ADPRHL1: variants seen among roughly 807,000 people sequenced by gnomAD.
ADPRHL1 encodes ADP-ribosylhydrolase like 1, also known as inactive ADP-ribosyltransferase ARH2.
A neutral mutation model predicts 44.1 loss-of-function variants in ADPRHL1; 43 were observed. The ratio of observed to expected loss-of-function variants is 0.98; its 90% CI spans 0.76 to 1.26. The LOEUF (loss-of-function observed/expected upper bound fraction) is 1.26. Ranked by LOEUF, ADPRHL1 falls within the 50% of genes most tolerant of loss-of-function variation. ADPRHL1 has a pLI of 0.00. For synonymous variants in ADPRHL1, 878 were observed against 1,017.4 expected, an observed-to-expected ratio of 0.86 and a Z score of 2.61; for missense variants, 2,022 against 2,496.9, an observed-to-expected ratio of 0.81 and a Z score of 4.05.
chr13:113,439,804 G>T (rs2044085454), intron 2 of ADPRHL1, among the ~76,000 whole-genome samples: 1 of 152,174 alleles, frequency 6.6e-6, no homozygotes, highest in Admixed American at 6.5e-5. Context: ...CCTCTTGAGT[G>T]ACCTTCGGTA....
chr13:113,420,477 G>A (rs1314565422), intron 7 of ADPRHL1, among the ~76,000 whole-genome samples: 7 of 152,038 alleles, frequency 4.6e-5, no homozygotes, highest in Non-Finnish European at 1.0e-4. Context: ...TCCGGTAAGC[G>A]GGCAAAACAG....
Position 113,400,312 on chromosome 13 carries a change from A to AT in ADPRHL1, c.*3065dup, listed in dbSNP as rs1318299838. 3.3e-5 allele frequency: 5 copies of AT among 150,744 alleles called. No homozygotes were observed. The highest frequency in any genetic ancestry group is 9.8e-5 in the African/African-American group (4 of 40,986). 9.3% of individuals were successfully genotyped at this position (150,744 alleles called of 1,614,324 possible). A position where few individuals can be genotyped will look rare whatever the true frequency, so the allele number is the denominator to read the frequency against. On this transcript the variant is annotated 3_prime_UTR_variant, in exon 8 of 8. Transcript: ENST00000612156. ...AGGCACCCACCACCACGCCCGGCTA[A>AT]TTTTTGTATTTTTAGTAGAGACAGG... is the stretch of plus-strand genomic sequence containing the variant.
At chr13:113,424,793 TACCC>T (rs1165211624) in intron 5 of ADPRHL1, among the ~76,000 whole-genome samples, 7 of 18,728 alleles carry the variant, frequency 3.7e-4, no homozygotes, top group African/African-American at 4.4e-4. Context: ...CCCATCCATA[TACCC>T]ACCCACCCAC....
chr13:113,452,296 C>G (rs907230273), intron 1 of ADPRHL1, among the ~76,000 whole-genome samples: 1 of 152,184 alleles, frequency 6.6e-6, no homozygotes, highest in African/African-American at 2.4e-5. Context: ...CTTATCTTAT[C>G]GCCGGCGCTT....
rs2043777425 is a variant in ADPRHL1, at chr13:113,403,421, G to A, written c.5861C>T (p.Pro1954Leu). 4.9e-6 allele frequency: 6 copies of A among 1,232,066 alleles called. No homozygotes were observed. The highest frequency in any genetic ancestry group is 5.1e-6 in the Non-Finnish European group (5 of 987,984). 76.3% of individuals were successfully genotyped at this position (1,232,066 alleles called of 1,614,324 possible). Residue 1954 changes from proline to leucine, a missense_variant, in exon 8 of 8, where the codon CCA becomes CTA. Physicochemically the swap from Pro to Leu is moderately conservative, Grantham distance 98. Coordinates refer to ENST00000612156, the MANE Select transcript of ADPRHL1 (RefSeq NM_001394807.1). ...DQRAFDLSFRPMSVRASDTSE... is the reference protein window; with the variant it reads ...DQRAFDLSFRLMSVRASDTSE... ...CGTGTCGCTGGCCCTGACGCTCATT[G>A]GTCTGAAGGACAAATCGAAGGCCCT...
At chr13:113,412,621 T>C (rs1211270560) in intron 7 of ADPRHL1, among the ~76,000 whole-genome samples, 2 of 152,244 alleles carry the variant, frequency 1.3e-5, no homozygotes, top group African/African-American at 2.4e-5. Context: ...CAGAGCAGCG[T>C]TGGGCACAGC....
At chr13:113,421,342 A>G (rs1377116814) in intron 7 of ADPRHL1, among the ~76,000 whole-genome samples, 1 of 97,714 alleles carries the variant, frequency 1.0e-5, no homozygotes, top group East Asian at 3.2e-4. Flanking sequence ...CACCCCCGGG[A>G]CACGCCCACT....
At chr13:113,423,506 G>T (rs570291893) in intron 6 of ADPRHL1, among the ~76,000 whole-genome samples, 2 of 152,338 alleles carry the variant, frequency 1.3e-5, no homozygotes, top group South Asian at 4.1e-4. Flanking sequence ...ACCAAACGGG[G>T]CCACATTTGT....
At chr13:113,415,770 AAGAG>A (rs1555325969) in intron 7 of ADPRHL1, among the ~76,000 whole-genome samples, 4 of 132,848 alleles carry the variant, frequency 3.0e-5, no homozygotes, top group South Asian at 4.5e-4. Context: ...AAAAAAAAAA[AAGAG>A]AGAGAGAGAG....
chr13:113,407,758 T>C lies in ADPRHL1; in HGVS notation c.1524A>G (p.Ile508Met), dbSNP rs1044154028. ...CCTCCTTCTCCTCGGCGGCCAAGAA[T>C]ATCTTCAGGATGTTTTTCACGGTGC... is the stretch of plus-strand genomic sequence containing the variant. ...GKSTVKNILK[I>M]FLAAEEKEAK... The change falls in exon 8 of 8, where the codon ATA (isoleucine) becomes ATG (methionine). Residue 508 changes from isoleucine (I) to methionine (M), a missense_variant. Physicochemically the swap from Ile to Met is conservative, Grantham distance 10. This residue lies in a region of ADPRHL1 where 1,221 missense variants were observed against 1,517.8 expected (regional missense o/e 0.80). Coordinates refer to ENST00000612156, the MANE Select transcript of ADPRHL1 (RefSeq NM_001394807.1). The C allele has an allele frequency of 7.3e-6, 9 of 1,231,982 alleles. No homozygotes were observed. In the East Asian group the frequency reaches 2.8e-4, roughly 39 times the overall value. 76.3% of individuals were successfully genotyped at this position (1,231,982 alleles called of 1,614,324 possible).
intron 7 of ADPRHL1, chr13:113,422,475 T>G: frequency 5.1e-6 from 1 of 194,710 alleles, no homozygotes; most frequent in Non-Finnish European, 1.1e-5. Flanking sequence ...CCACCGCAGT[T>G]AGTGTTGTTG....
rs2043817536 is a variant in ADPRHL1, at chr13:113,407,486, G to A, written c.1796C>T (p.Ala599Val). The A allele has an allele frequency of 2.4e-6, 3 of 1,231,974 alleles. No homozygotes were observed. The highest frequency in any genetic ancestry group is 1.6e-5 in the African/African-American group (1 of 64,428). 76.3% of individuals were successfully genotyped at this position (1,231,974 alleles called of 1,614,324 possible). The part of the protein sequence containing the change: ...EVRVLHTATM[A>V]STCVKMPPAR... ...AGGGGGCATCTTGACGCAGGTGCTG[G>A]CCATGGTGGCCGTGTGCAGCACGCG... is the stretch of plus-strand genomic sequence containing the variant. Residue 599 changes from alanine (A) to valine (V), a missense_variant, in exon 8 of 8, where the codon GCC becomes GTC. Transcript: ENST00000612156.
At chr13:113,422,715 G>T (rs933526696) in intron 7 of ADPRHL1, 111 bp downstream of exon 7, 5 of 1,397,202 alleles carry the variant, frequency 3.6e-6, no homozygotes, top group Non-Finnish European at 4.9e-6. Context: ...GTCAGGCACA[G>T]ACCGCAGTGG....
intron 1 of ADPRHL1, among the ~76,000 whole-genome samples, chr13:113,451,037 A>T (rs951232745): frequency 7.3e-5 from 11 of 151,646 alleles, no homozygotes; most frequent in Non-Finnish European, 1.5e-4. Context: ...CCGCCTGGTA[A>T]CGGGCGTCTT....
At chr13:113,424,900 C>G (rs2043956825) in intron 5 of ADPRHL1, 152 bp downstream of exon 5, 5 of 921,026 alleles carry the variant, frequency 5.4e-6, no homozygotes, top group South Asian at 3.2e-5. Context: ...ATTCACGCAC[C>G]CTTCCACCCA....
At chr13:113,427,068 T>A (rs2043973239) in intron 4 of ADPRHL1, among the ~76,000 whole-genome samples, 1 of 152,214 alleles carries the variant, frequency 6.6e-6, no homozygotes, top group African/African-American at 2.4e-5. Flanking sequence ...TGGAGGATTG[T>A]TTCTCAGAGC....
intron 2 of ADPRHL1, among the ~76,000 whole-genome samples, chr13:113,434,678 CGGCACCCA>C: frequency 7.0e-6 from 1 of 143,652 alleles, no homozygotes; most frequent in African/African-American, 2.6e-5. Flanking sequence ...CCCCGGGACC[CGGCACCCA>C]GGTGTAGAGT....
intron 1 of ADPRHL1, among the ~76,000 whole-genome samples, chr13:113,449,532 C>T (rs112675646): frequency 0.017 from 2,531 of 148,174 alleles, 50 homozygotes; most frequent in Non-Finnish European, 0.024. Flanking sequence ...GAGGCTCACC[C>T]GGAAGGAGGG....
At position 113,407,508 on chromosome 13, in the gene ADPRHL1, C is replaced by G; in HGVS notation, c.1774G>C (p.Val592Leu). 8.1e-7 allele frequency: 1 copy of G among 1,232,188 alleles called. No homozygotes were observed. The highest frequency in any genetic ancestry group is 1.0e-6 in the Non-Finnish European group (1 of 988,066). 76.3% of individuals were successfully genotyped at this position (1,232,188 alleles called of 1,614,324 possible). A position where few individuals can be genotyped will look rare whatever the true frequency, so the allele number is the denominator to read the frequency against. The change falls in exon 8 of 8, where the codon GTG becomes CTG. Residue 592 changes from valine (V) to leucine (L), a missense_variant. Coordinates refer to ENST00000612156, the MANE Select transcript of ADPRHL1 (RefSeq NM_001394807.1). ...CTGGCCATGGTGGCCGTGTGCAGCA[C>G]GCGCACCTCCGGCCGGTGCATCCTC... is the stretch of plus-strand genomic sequence containing the variant. The part of the protein sequence containing the change: ...RKRMHRPEVR[V>L]LHTATMASTC...
Sources: gnomAD v4.1 joint callset for allele counts (sites outside exome capture counted in the v4.1 genomes callset) on GRCh38, gnomAD v4.1.1 for gene constraint, gnomAD v4.1.1 regional missense constraint, MANE v1.5 for transcripts, NCBI Gene and HGNC (gene_info 2026-07-23, HGNC 2026-07-21) for gene names.